Variants in TRIO observed in about 807,000 individuals in gnomAD.
TRIO encodes triple functional domain protein.
Under a neutral mutation model 351.9 loss-of-function variants are expected in TRIO, and 58 were observed. The ratio of observed to expected loss-of-function variants is 0.16; its 90% CI spans 0.13 to 0.21. TRIO has a LOEUF of 0.21. Ranked by LOEUF, TRIO falls within the 10% of genes least tolerant of loss-of-function variation. The pLI, the probability that TRIO is intolerant of heterozygous loss-of-function variation, is 1.00. For missense variants in TRIO, 3,201 were observed against 4,027.8 expected, an observed-to-expected ratio of 0.79 and a Z score of 5.56; for synonymous variants, 1,758 against 1,595.7, an observed-to-expected ratio of 1.10 and a Z score of -2.42.
chr5:14,290,132 G>A (rs1296872989), intron 4 of TRIO, among the ~76,000 whole-genome samples: 3 of 152,130 alleles, frequency 2.0e-5, no homozygotes, highest in South Asian at 4.1e-4. Context: ...TTAGGCTTAG[G>A]CAAGATGAAT....
chr5:14,448,260 C>T (rs1752584595), intron 34 of TRIO, among the ~76,000 whole-genome samples: 1 of 152,240 alleles, frequency 6.6e-6, no homozygotes, highest in Admixed American at 6.5e-5. Flanking sequence ...ACTAGAGGAG[C>T]ATTCAGAAGT....
At chr5:14,436,622 C>T (rs1312864406) in intron 34 of TRIO, among the ~76,000 whole-genome samples, 2 of 152,232 alleles carry the variant, frequency 1.3e-5, no homozygotes, top group African/African-American at 4.8e-5. Context: ...AGGTTAGTTA[C>T]TTCCTAGATA....
chr5:14,319,143 A>G (rs1458912236), intron 9 of TRIO, among the ~76,000 whole-genome samples: 1 of 152,206 alleles, frequency 6.6e-6, no homozygotes, highest in East Asian at 1.9e-4. Flanking sequence ...CCCCTCTCAA[A>G]CAGCATATTG....
chr5:14,349,284 A>G (rs1177487218), intron 11 of TRIO, among the ~76,000 whole-genome samples: 2 of 145,254 alleles, frequency 1.4e-5, no homozygotes, highest in East Asian at 4.0e-4. Context: ...GTATGTGTGT[A>G]CGCACGTGAG....
chr5:14,494,830 C>T (rs1229889619), intron 49 of TRIO, among the ~76,000 whole-genome samples: 8 of 152,148 alleles, frequency 5.3e-5, no homozygotes, highest in African/African-American at 1.4e-4. Context: ...ACCCTGGAGG[C>T]GGAGGTTGCA....
At chr5:14,376,370 T>C (rs1444093556) in intron 19 of TRIO, among the ~76,000 whole-genome samples, 3 of 152,230 alleles carry the variant, frequency 2.0e-5, no homozygotes, top group Non-Finnish European at 2.9e-5. Context: ...CAAATACATA[T>C]GTTAGCTAAT....
At chr5:14,500,213 A>G (rs986875273) in intron 53 of TRIO, among the ~76,000 whole-genome samples, 3 of 152,184 alleles carry the variant, frequency 2.0e-5, no homozygotes, top group Non-Finnish European at 2.9e-5. Flanking sequence ...ACCATTTCCA[A>G]ATTGTTCTCT....
chr5:14,275,876 A>ATAT (rs953372090), intron 2 of TRIO, among the ~76,000 whole-genome samples: 5 of 147,282 alleles, frequency 3.4e-5, no homozygotes, highest in Non-Finnish European at 7.5e-5. Flanking sequence ...GTATATATAT[A>ATAT]TATATATGTT....
At chr5:14,226,876 C>CTGCAGCTCTCCTCCCTGGTTTT (rs1793076057) in intron 1 of TRIO, among the ~76,000 whole-genome samples, 1 of 10,668 alleles carries the variant, frequency 9.4e-5, no homozygotes, top group Non-Finnish European at 3.0e-4. Flanking sequence ...AAAGTGGTTT[C>CTGCAGCTCTCCTCCCTGGTTTT]TGCAGCTCTC....
At position 14,426,392 on chromosome 5, in the gene TRIO, G is replaced by A. The variant is rs758389398; in HGVS notation, c.5203+6371G>A. 1.1e-4 allele frequency among the ~76,000 whole-genome samples: 17 copies of A among 152,246 alleles called. No homozygotes were observed. The East Asian group carries it at 1.5e-3, about 14-fold the overall frequency. ...CTCATGGGAAAAATAAATGTATTCAGTGAGCTCATGGAAGGGAGGAGAGAG... is the reference window on the plus strand; with the variant it reads ...CTCATGGGAAAAATAAATGTATTCAATGAGCTCATGGAAGGGAGGAGAGAG... On this transcript the variant is annotated intron_variant, in intron 34 of 56. Coordinates refer to ENST00000344204, the MANE Select transcript of TRIO (RefSeq NM_007118.4).
intron 1 of TRIO, among the ~76,000 whole-genome samples, chr5:14,263,148 T>G (rs565024920): frequency 6.6e-6 from 1 of 152,318 alleles, no homozygotes; most frequent in South Asian, 2.1e-4. Flanking sequence ...TGGCCCTGAT[T>G]TTTCCATACC....
intron 1 of TRIO, among the ~76,000 whole-genome samples, chr5:14,215,692 A>T (rs1442091522): frequency 6.6e-6 from 1 of 152,326 alleles, no homozygotes; most frequent in South Asian, 2.1e-4. Context: ...CAGTGATTCC[A>T]TGAAGTGTGA....
chr5:14,212,538 A>C (rs1791974215), intron 1 of TRIO, among the ~76,000 whole-genome samples: 1 of 152,158 alleles, frequency 6.6e-6, no homozygotes, highest in East Asian at 1.9e-4. Flanking sequence ...CAGACACCTA[A>C]AATAAAGTGT....
At chr5:14,148,491 T>G (rs1156884733) in intron 1 of TRIO, among the ~76,000 whole-genome samples, 1 of 152,236 alleles carries the variant, frequency 6.6e-6, no homozygotes, top group Non-Finnish European at 1.5e-5. Context: ...CTTTACTGCC[T>G]AGTAAACTCA....
intron 1 of TRIO, among the ~76,000 whole-genome samples, chr5:14,149,931 A>C (rs1188743719): frequency 6.6e-6 from 1 of 152,222 alleles, no homozygotes; most frequent in African/African-American, 2.4e-5. Context: ...GTTTTCTCAC[A>C]GTCTGTAGCC....
In TRIO at chr5:14,368,802, A is replaced by G. The variant is rs1744824975; in HGVS notation, c.2969A>G (p.Glu990Gly). The change falls in exon 17 of 57, where the codon GAG becomes GGG. Residue 990 changes from glutamate (E) to glycine (G), a missense_variant. Glu to Gly is a moderately conservative substitution (Grantham distance 98). Around this residue, in one of 19 missense-constraint regions of TRIO, gnomAD observed 363 missense variants for 553.5 expected, o/e 0.66. Coordinates refer to ENST00000344204, the MANE Select transcript of TRIO (RefSeq NM_007118.4). ...YDMDMIRDCA[E>G]KVASHWQQLM... is the part of the protein sequence containing the mutation. ...ATGGACATGATCCGGGACTGCGCCGAGAAGGTGGCGTCTCACTGGCAACAG... is the reference window on the plus strand; with the variant it reads ...ATGGACATGATCCGGGACTGCGCCGGGAAGGTGGCGTCTCACTGGCAACAG... The G allele has an allele frequency of 1.2e-6, 2 of 1,614,138 alleles. No individual in the cohort carries two copies. The highest frequency in any genetic ancestry group is 1.6e-4 in the Middle Eastern group (1 of 6,062).
intron 49 of TRIO, among the ~76,000 whole-genome samples, chr5:14,495,731 G>A (rs904170589): frequency 1.7e-4 from 26 of 151,294 alleles, no homozygotes; most frequent in African/African-American, 6.3e-4. Context: ...CAGTTTGGGA[G>A]GCCAAGACGG....
At position 14,488,475 on chromosome 5, in the gene TRIO, C is replaced by A. The variant is rs918546912; in HGVS notation, c.7632+215C>A. On this transcript the variant is annotated intron_variant, in intron 48 of 56. Coordinates refer to ENST00000344204, the MANE Select transcript of TRIO (RefSeq NM_007118.4). ...TTCGTGTCTTCTAATAAGAGCAAGC[C>A]GATCATTAACCTTCTCAACGCAGCG... 48 of 635,172 alleles carry A rather than the reference C, an allele frequency of 7.6e-5. No homozygotes were observed. The East Asian group carries it at 1.2e-3, about 16-fold the overall frequency. 39.3% of individuals were successfully genotyped at this position (635,172 alleles called of 1,614,324 possible). A position where few individuals can be genotyped will look rare whatever the true frequency, so the allele number is the denominator to read the frequency against.
chr5:14,485,944 C>T (rs1276963960), intron 47 of TRIO, among the ~76,000 whole-genome samples: 2 of 151,800 alleles, frequency 1.3e-5, no homozygotes, highest in Admixed American at 1.3e-4. Flanking sequence ...GCTGAGATCG[C>T]ACCATTGCAC....
Sources: gnomAD v4.1 joint callset for allele counts (sites outside exome capture counted in the v4.1 genomes callset) on GRCh38, gnomAD v4.1.1 for gene constraint, gnomAD v4.1.1 regional missense constraint, MANE v1.5 for transcripts, NCBI Gene and HGNC (gene_info 2026-07-23, HGNC 2026-07-21) for gene names.